Variants in AHRR observed in about 807,000 individuals in gnomAD.
AHRR encodes ahR repressor.
In AHRR, 28 loss-of-function variants were observed where a neutral mutation model predicts 44.0. That is an observed-to-expected ratio of 0.64 (90% CI 0.47 to 0.87). The LOEUF (loss-of-function observed/expected upper bound fraction) is 0.87. AHRR is among the 40% of genes least tolerant of loss of function. The pLI is 0.00. For synonymous variants in AHRR, 434 were observed against 407.0 expected (o/e 1.07, Z -0.80); for missense variants, 990 against 953.9 (o/e 1.04, Z -0.50).
At chr5:384,351 G>A (rs115523292) in intron 4 of AHRR, among the ~76,000 whole-genome samples, 14 of 152,162 alleles carry the variant, frequency 9.2e-5, no homozygotes, top group African/African-American at 3.1e-4. Flanking sequence ...AAAACCTTAA[G>A]CCACATAAAT....
In AHRR at chr5:415,545, G is replaced by C. The variant is rs2561669; in HGVS notation, c.441+2112G>C. Among the ~76,000 whole-genome samples the C allele has an allele frequency of 1.8e-3, 103 of 56,486 alleles. 2 individuals are homozygous for C. The highest frequency in any genetic ancestry group is 2.1e-3 in the Non-Finnish European group (43 of 20,420). The allele number at this position is 56,486 out of a possible 152,430, so 37.1% of individuals were successfully genotyped here. ...CTAGGGGCCGAGTCTGCCTGGTCGG[G>C]TGGGAGGCCTAGGGGCCGAATCTGC... is the stretch of plus-strand genomic sequence containing the variant. On this transcript the variant is annotated intron_variant, in intron 5 of 10. Coordinates refer to ENST00000684583, the MANE Select transcript of AHRR (RefSeq NM_001377236.1).
In AHRR at chr5:338,229, C is replaced by G. The variant is rs1344393175; in HGVS notation, c.-10-5664C>G. The stretch of plus-strand genomic sequence containing the variant: ...AAGAACAAATTATGCATATTTCACC[C>G]TCTAGTAGTCAGTTCTTGCGCTTTT... On this transcript the variant is annotated intron_variant, in intron 1 of 10. Transcript: ENST00000684583. The surrounding 1 kb of genome is among the most constrained non-coding windows in gnomAD (Gnocchi z 4.1). Among the ~76,000 whole-genome samples, 3 of 152,184 alleles carry G rather than the reference C, an allele frequency of 2.0e-5. No homozygotes were observed. Among genetic ancestry groups the G allele is most frequent in the South Asian group, 4.1e-4 (2 of 4,828 alleles).
At position 376,666 on chromosome 5, in the gene AHRR, A is replaced by G; in HGVS notation, c.301A>G (p.Ser101Gly). The G allele has an allele frequency of 1.3e-6, 2 of 1,536,112 alleles. No homozygotes were observed. The highest frequency in any genetic ancestry group is 1.8e-6 in the Non-Finnish European group (2 of 1,131,484). The change falls in exon 4 of 11, where the codon AGC (serine) becomes GGC (glycine). Residue 101 changes from serine (S) to glycine (G), a missense_variant. By Grantham distance (56) the Ser-to-Gly change is moderately conservative. Transcript: ENST00000684583. ...GGCCGGCGCCCCCTCGCCCGGAGAC[A>G]GCTGTCCTCTTGCAGGGTCTGCCGT... Reference protein sequence around the residue: ...PAAGAPSPGDSCPLAGSAVLE... With the variant: ...PAAGAPSPGDGCPLAGSAVLE...
At chr5:336,699 A>G (rs1231206276) in intron 1 of AHRR, among the ~76,000 whole-genome samples, 1 of 152,216 alleles carries the variant, frequency 6.6e-6, no homozygotes, top group Non-Finnish European at 1.5e-5. Context: ...TTTGTGACAA[A>G]TCTAAGAATC....
chr5:361,119 G>A (rs1743162972), intron 3 of AHRR, among the ~76,000 whole-genome samples: 1 of 152,150 alleles, frequency 6.6e-6, no homozygotes, highest in Non-Finnish European at 1.5e-5. Flanking sequence ...CATGGTGGTG[G>A]GCGTCTGTAA....
intron 8 of AHRR, among the ~76,000 whole-genome samples, chr5:429,480 G>A (rs1022108435): frequency 1.3e-5 from 2 of 151,794 alleles, no homozygotes; most frequent in African/African-American, 2.4e-5. Context: ...GGTCTGGGCC[G>A]GCCCTGCCCC....
intron 4 of AHRR, among the ~76,000 whole-genome samples, chr5:397,668 C>T (rs1734794581): frequency 7.5e-6 from 1 of 132,886 alleles, no homozygotes; most frequent in African/African-American, 3.2e-5. Context: ...CCACGTAGCC[C>T]CTGACCATCC....
At chr5:356,356 C>T (rs1310254808) in intron 3 of AHRR, among the ~76,000 whole-genome samples, 2 of 152,220 alleles carry the variant, frequency 1.3e-5, no homozygotes, top group Non-Finnish European at 1.5e-5. Context: ...CAGGAAGGGT[C>T]CAGAAGCCCC....
At chr5:407,126 A>G (rs537542442) in intron 4 of AHRR, among the ~76,000 whole-genome samples, 34 of 152,204 alleles carry the variant, frequency 2.2e-4, no homozygotes, top group Non-Finnish European at 4.7e-4. Context: ...CTGTCTCCTG[A>G]CTTTTTTCTT....
At position 377,153 on chromosome 5, in the gene AHRR, C is replaced by T. The variant is rs574038563; in HGVS notation, c.351+437C>T. Among the ~76,000 whole-genome samples the T allele has an allele frequency of 1.2e-4, 18 of 152,272 alleles. No individual in the cohort carries two copies. The East Asian group carries it at 3.5e-3, about 29-fold the overall frequency. On this transcript the variant is annotated intron_variant, in intron 4 of 10. Transcript: ENST00000684583. ...TGTGTGACACCCTGGAAGCTGTGGG[C>T]CTGGGCAGGAAGCTCTGTGGTGAGG...
chr5:352,005 G>T (rs1312025413), intron 2 of AHRR, among the ~76,000 whole-genome samples: 2 of 152,264 alleles, frequency 1.3e-5, no homozygotes, highest in East Asian at 3.8e-4. Flanking sequence ...CCCAGGAAGG[G>T]TTAGTGTGGA....
intron 3 of AHRR, among the ~76,000 whole-genome samples, chr5:360,141 G>T (rs1222344440): frequency 1.3e-5 from 2 of 152,026 alleles, no homozygotes; most frequent in African/African-American, 2.4e-5. Context: ...GTGGGGGGTG[G>T]CCTGAACTGA....
Position 338,660 on chromosome 5 carries a change from G to A in AHRR, c.-10-5233G>A, listed in dbSNP as rs1352138945. On this transcript the variant is annotated intron_variant, in intron 1 of 10. Coordinates refer to ENST00000684583, the MANE Select transcript of AHRR (RefSeq NM_001377236.1). The surrounding 1 kb of genome is among the most constrained non-coding windows in gnomAD (Gnocchi z 4.1). Reference sequence around the variant, plus strand: ...AGTTCAAGGCCAGACTGGGCAACATGATGAAACCCCATCTCTACAAAAAAT... The same window carrying A: ...AGTTCAAGGCCAGACTGGGCAACATAATGAAACCCCATCTCTACAAAAAAT... 6.6e-6 allele frequency among the ~76,000 whole-genome samples: 1 copy of A among 152,146 alleles called. No individual in the cohort carries two copies. Among genetic ancestry groups the A allele is most frequent in the Non-Finnish European group, 1.5e-5 (1 of 68,022 alleles).
At chr5:324,267 C>T (rs982335759) in intron 1 of AHRR, among the ~76,000 whole-genome samples, 12 of 151,292 alleles carry the variant, frequency 7.9e-5, no homozygotes, top group Non-Finnish European at 1.6e-4. Context: ...ACTGTCTCTA[C>T]TAAATGTTGG....
chr5:423,783 T>C, intron 6 of AHRR, 58 bp from the exon 7 acceptor site: 9 of 1,543,016 alleles, frequency 5.8e-6, no homozygotes, highest in Non-Finnish European at 7.9e-6. Context: ...GTTGTGCGTG[T>C]GACACGTGTG....
chr5:355,986 G>C (rs552421749), intron 3 of AHRR, among the ~76,000 whole-genome samples: 1 of 152,364 alleles, frequency 6.6e-6, no homozygotes, highest in Non-Finnish European at 1.5e-5. Flanking sequence ...AGCTATAAAA[G>C]TTAGATCTTA....
chr5:403,701 C>G, intron 4 of AHRR: 26 of 523,620 alleles, frequency 5.0e-5, no homozygotes, highest in South Asian at 6.5e-5. Context: ...TTTTTACTTT[C>G]TCTCAGAGGC....
intron 5 of AHRR, among the ~76,000 whole-genome samples, chr5:417,836 C>G (rs954035947): frequency 6.6e-6 from 1 of 152,190 alleles, no homozygotes; most frequent in Non-Finnish European, 1.5e-5. Context: ...AAAATTAGAG[C>G]AGCTTTGTGC....
intron 3 of AHRR, among the ~76,000 whole-genome samples, chr5:361,527 G>T (rs1743185534): frequency 6.6e-6 from 1 of 152,226 alleles, no homozygotes; most frequent in South Asian, 2.1e-4. Flanking sequence ...ACAGGGCAGG[G>T]CTGTCTCTTC....
Sources: gnomAD v4.1 joint callset for allele counts (sites outside exome capture counted in the v4.1 genomes callset) on GRCh38, gnomAD v4.1.1 for gene constraint, Gnocchi (gnomAD v3.1) non-coding constraint, MANE v1.5 for transcripts, NCBI Gene and HGNC (gene_info 2026-07-23, HGNC 2026-07-21) for gene names.